PACRG: variants seen among roughly 807,000 people sequenced by gnomAD.
PACRG encodes the protein parkin coregulated, also known as parkin coregulated gene protein.
Under a neutral mutation model 29.7 loss-of-function variants are expected in PACRG, and 29 were observed. The observed-to-expected ratio is 0.98, with a 90% CI of 0.73 to 1.33. The LOEUF (loss-of-function observed/expected upper bound fraction) is 1.33, where lower values mean the gene tolerates loss of function less well. PACRG is among the 40% of genes most tolerant of loss of function. PACRG has a pLI of 0.00. For missense variants in PACRG, 279 were observed against 316.2 expected (o/e 0.88, Z 0.89); for synonymous variants, 116 against 118.7 (o/e 0.98, Z 0.15).
At chr6:163,101,739 G>GGT (rs1815100238) in intron 4 of PACRG, among the ~76,000 whole-genome samples, 1 of 152,110 alleles carries the variant, frequency 6.6e-6, no homozygotes, top group South Asian at 2.1e-4. Flanking sequence ...AGCCACTGGC[G>GGT]GTGTGGAACA....
At chr6:162,909,733 T>C in intron 2 of PACRG, among the ~76,000 whole-genome samples, 1 of 152,066 alleles carries the variant, frequency 6.6e-6, no homozygotes. Flanking sequence ...ATGGTGGGGT[T>C]ATTGGCCATT....
intron 2 of PACRG, among the ~76,000 whole-genome samples, chr6:162,967,250 GA>G (rs11319991): frequency 0.16 from 23,563 of 150,184 alleles, 3,206 homozygotes; most frequent in African/African-American, 0.36. Flanking sequence ...TACTAAAACT[GA>G]AAAAAAAAAC....
intron 3 of PACRG, among the ~76,000 whole-genome samples, chr6:163,071,319 A>G (rs980932789): frequency 6.6e-6 from 1 of 152,144 alleles, no homozygotes; most frequent in Admixed American, 6.5e-5. Context: ...AAAACATTCA[A>G]AAAAATTCAA....
chr6:162,865,106 C>G (rs182350179), intron 2 of PACRG, among the ~76,000 whole-genome samples: 26 of 152,198 alleles, frequency 1.7e-4, no homozygotes, highest in African/African-American at 6.0e-4. Flanking sequence ...CCCTCTAGGA[C>G]GGGATAAAAC....
intron 4 of PACRG, among the ~76,000 whole-genome samples, chr6:163,241,281 TTAACA>T (rs1434355349): frequency 2.6e-5 from 4 of 152,242 alleles, no homozygotes; most frequent in African/African-American, 9.6e-5. Flanking sequence ...GAATGTTCAC[TTAACA>T]TATTTTCAAC....
intron 4 of PACRG, among the ~76,000 whole-genome samples, chr6:163,286,170 T>C (rs541254846): frequency 6.6e-6 from 1 of 152,334 alleles, no homozygotes; most frequent in East Asian, 1.9e-4. Flanking sequence ...GAGTTTGTTA[T>C]TCAGTGGTTT....
At chr6:163,280,657 G>A (rs886914215) in intron 4 of PACRG, among the ~76,000 whole-genome samples, 1 of 152,156 alleles carries the variant, frequency 6.6e-6, no homozygotes, top group African/African-American at 2.4e-5. Flanking sequence ...TTAGTATCTG[G>A]GGAGGGCTCT....
intron 3 of PACRG, among the ~76,000 whole-genome samples, chr6:163,075,370 T>C (rs1235708887): frequency 6.6e-6 from 1 of 152,004 alleles, no homozygotes; most frequent in Non-Finnish European, 1.5e-5. Context: ...TTCCAGACAA[T>C]AAAACTGGAG....
rs188796220 is a variant in PACRG, at chr6:163,107,088, C to T, written c.613+17680C>T. Among the ~76,000 whole-genome samples, 598 of 151,830 alleles carry T rather than the reference C, an allele frequency of 3.9e-3. 5 individuals carry two copies. Among genetic ancestry groups the T allele is most frequent in the African/African-American group, 0.013 (552 of 41,382 alleles). On this transcript the variant is annotated intron_variant, in intron 4 of 4. Coordinates refer to ENST00000366888, the MANE Select transcript of PACRG (RefSeq NM_001080379.2). ...ATCTTGAGAGAATGAGAAAGAGAAA[C>T]AGAGAGAGGGAGAGAAATAGATAAA...
chr6:162,735,046 A>C (rs978473197), intron 1 of PACRG, among the ~76,000 whole-genome samples: 1 of 152,212 alleles, frequency 6.6e-6, no homozygotes, highest in Non-Finnish European at 1.5e-5. Flanking sequence ...AGATTCACCC[A>C]CATTATTGCA....
At chr6:162,961,791 G>A (rs899345172) in intron 2 of PACRG, among the ~76,000 whole-genome samples, 1 of 152,124 alleles carries the variant, frequency 6.6e-6, no homozygotes, top group African/African-American at 2.4e-5. Flanking sequence ...CATACCCCAA[G>A]CCAGGATGAT....
chr6:162,801,456 C>G (rs969251677), intron 1 of PACRG, among the ~76,000 whole-genome samples: 2 of 151,540 alleles, frequency 1.3e-5, no homozygotes, highest in African/African-American at 4.9e-5. Context: ...GCATCTTTCT[C>G]ATAGCACCGA....
intron 2 of PACRG, among the ~76,000 whole-genome samples, chr6:162,885,453 T>C (rs1459556800): frequency 1.3e-5 from 2 of 151,928 alleles, no homozygotes; most frequent in Non-Finnish European, 2.9e-5. Context: ...TATTTTTTGG[T>C]AGAGATAAGG....
At chr6:163,251,022 G>A (rs1296264402) in intron 4 of PACRG, among the ~76,000 whole-genome samples, 1 of 151,750 alleles carries the variant, frequency 6.6e-6, no homozygotes, top group Non-Finnish European at 1.5e-5. Context: ...GGAAAACCAA[G>A]CATCATATGT....
At chr6:163,086,255 A>G (rs1408619728) in intron 3 of PACRG, among the ~76,000 whole-genome samples, 5 of 152,246 alleles carry the variant, frequency 3.3e-5, no homozygotes, top group Non-Finnish European at 7.3e-5. Flanking sequence ...AGATAAGACC[A>G]GATAGAGAGT....
At chr6:163,185,961 C>T (rs1274260694) in intron 4 of PACRG, among the ~76,000 whole-genome samples, 1 of 152,122 alleles carries the variant, frequency 6.6e-6, no homozygotes. Flanking sequence ...CCCAGCACTC[C>T]CAGGCAGTGA....
intron 2 of PACRG, among the ~76,000 whole-genome samples, chr6:162,918,714 C>A (rs1026833979): frequency 1.2e-4 from 19 of 152,124 alleles, no homozygotes; most frequent in African/African-American, 4.1e-4. Flanking sequence ...GAATATAATA[C>A]AAAATGTTCA....
intron 4 of PACRG, among the ~76,000 whole-genome samples, chr6:163,153,501 G>A (rs1250213185): frequency 6.6e-6 from 1 of 152,150 alleles, no homozygotes; most frequent in Non-Finnish European, 1.5e-5. Context: ...ACAAAAAATG[G>A]TGAATTTTGT....
chr6:162,981,112 C>G (rs1169640502), intron 2 of PACRG, among the ~76,000 whole-genome samples: 1 of 152,010 alleles, frequency 6.6e-6, no homozygotes, highest in Non-Finnish European at 1.5e-5. Flanking sequence ...GCTTGACTCC[C>G]ACTTATGAGT....
Sources: gnomAD v4.1 joint callset for allele counts (sites outside exome capture counted in the v4.1 genomes callset) on GRCh38, gnomAD v4.1.1 for gene constraint, MANE v1.5 for transcripts, NCBI Gene and HGNC (gene_info 2026-07-23, HGNC 2026-07-21) for gene names.